Variants in ALG13 observed in about 807,000 individuals in gnomAD.
The protein encoded by ALG13 is UDP-N-acetylglucosamine transferase subunit ALG13.
ALG13 carries 11 observed loss-of-function variants against 87.8 expected under a neutral mutation model. That is an observed-to-expected ratio of 0.13 (90% CI 0.08 to 0.21). The LOEUF (loss-of-function observed/expected upper bound fraction) is 0.21, where lower values mean the gene tolerates loss of function less well. Ranked by LOEUF, ALG13 falls within the 10% of genes least tolerant of loss-of-function variation. The pLI is 1.00. For missense variants in ALG13, 756 were observed against 866.1 expected (o/e 0.87, Z 1.60); for synonymous variants, 320 against 306.3 (o/e 1.04, Z -0.47).
intron 7 of ALG13, among the ~76,000 whole-genome samples, chrX:111,712,758 G>T (rs1939995863): frequency 8.9e-6 from 1 of 112,110 alleles, no homozygotes; most frequent in Non-Finnish European, 1.9e-5. Flanking sequence ...TGTCTGTAAA[G>T]CTTTGTTGGA....
intron 23 of ALG13, among the ~76,000 whole-genome samples, chrX:111,740,459 G>A (rs1397762867): frequency 2.7e-5 from 3 of 110,727 alleles, no homozygotes; most frequent in Non-Finnish European, 5.7e-5. Flanking sequence ...ATGTTTCCTC[G>A]CTGTGTCCAC....
chrX:111,709,620 A>C (rs1288447282), intron 5 of ALG13, among the ~76,000 whole-genome samples: 1 of 111,750 alleles, frequency 8.9e-6, no homozygotes, highest in Non-Finnish European at 1.9e-5. Context: ...AACAACTTAC[A>C]GAAGACATAT....
intron 21 of ALG13, among the ~76,000 whole-genome samples, chrX:111,731,845 A>G (rs1031403682): frequency 1.8e-5 from 2 of 111,936 alleles, no homozygotes; most frequent in Non-Finnish European, 3.8e-5. Context: ...TCAGGCACTG[A>G]TGGAAGAGCC....
Position 111,736,959 on chromosome X carries a change from C to T in ALG13, c.2695+80C>T, listed in dbSNP as rs976608674. On this transcript the variant is annotated intron_variant, in intron 23 of 26. Transcript: ENST00000394780. ...GCACATCCAGCTGTTCTGGTAATTA[C>T]ATACCATTACTTTAATTTCCAGAAT... 20 of 782,415 alleles carry T rather than the reference C, an allele frequency of 2.6e-5. No homozygotes were observed. In the African/African-American group the frequency reaches 3.2e-4, roughly 13 times the overall value. 64.5% of individuals were successfully genotyped at this position (782,415 alleles called of 1,213,427 possible).
chrX:111,689,474 C>T (rs1935742513), intron 3 of ALG13: 1 of 752,352 alleles, frequency 1.3e-6, no homozygotes, highest in Non-Finnish European at 1.6e-6. Context: ...CCTTTGCTAT[C>T]TACTTCCCCA....
At chrX:111,756,915 A>T (rs1945307035) in intron 25 of ALG13, among the ~76,000 whole-genome samples, 1 of 112,030 alleles carries the variant, frequency 8.9e-6, no homozygotes, top group African/African-American at 3.2e-5. Flanking sequence ...TATTATAGTC[A>T]CATGTGGAAA....
At chrX:111,704,214 T>A (rs1221392614) in intron 3 of ALG13, among the ~76,000 whole-genome samples, 1 of 111,487 alleles carries the variant, frequency 9.0e-6, no homozygotes, top group Non-Finnish European at 1.9e-5. Context: ...ATAACAAGTG[T>A]TGATAAGAAT....
intron 25 of ALG13, 165 bp from the exon 26 acceptor site, chrX:111,757,423 G>T (rs1018082589): frequency 1.1e-5 from 4 of 377,773 alleles, no homozygotes; most frequent in Non-Finnish European, 1.8e-5. Context: ...TTCTAATAGA[G>T]AACAGACTGT....
At chrX:111,748,039 T>C (rs1569522468) in intron 24 of ALG13, among the ~76,000 whole-genome samples, 1 of 112,239 alleles carries the variant, frequency 8.9e-6, no homozygotes, top group Non-Finnish European at 1.9e-5. Flanking sequence ...TGCATTTCCC[T>C]TATGAAATCC....
At chrX:111,749,192 G>A (rs1279051579) in intron 24 of ALG13, among the ~76,000 whole-genome samples, 2 of 111,702 alleles carry the variant, frequency 1.8e-5, no homozygotes, top group East Asian at 5.6e-4. Context: ...AATTCATTTA[G>A]TTTTATGTTT....
At position 111,724,969 on chromosome X, in the gene ALG13, C is replaced by A; in HGVS notation, c.1637C>A (p.Thr546Asn). The A allele has an allele frequency of 8.3e-7, 1 of 1,210,390 alleles. No homozygotes were observed. The highest frequency in any genetic ancestry group is 1.8e-5 in the South Asian group (1 of 56,887). ...VVPLANLKPV[T>N]QVMSVPAWNA... ...CCACTGGCTAACTTAAAACCAGTTA[C>A]CCAAGTGATGTCTGTTCCTGCCTGG... The change falls in exon 15 of 27, where the codon ACC becomes AAC. Residue 546 changes from threonine to asparagine, a missense_variant. Around this residue, in one of 9 missense-constraint regions of ALG13, gnomAD observed 362 missense variants for 383.5 expected, o/e 0.94. Coordinates refer to ENST00000394780, the MANE Select transcript of ALG13 (RefSeq NM_001099922.3).
chrX:111,749,109 C>T (rs1364306745), intron 24 of ALG13, among the ~76,000 whole-genome samples: 4 of 111,251 alleles, frequency 3.6e-5, no homozygotes, highest in South Asian at 7.6e-4. Flanking sequence ...AAAAAAACAA[C>T]AAAAAACCTT....
At chrX:111,690,428 C>T (rs1431273174) in intron 3 of ALG13, 2 of 740,091 alleles carry the variant, frequency 2.7e-6, no homozygotes, top group Admixed American at 8.9e-5. Flanking sequence ...TTGGGATGAC[C>T]TTGGGAATTA....
At position 111,693,429 on chromosome X, in the gene ALG13, A is replaced by G. The variant is rs144103983; in HGVS notation, c.383+8326A>G. Among the ~76,000 whole-genome samples, 222 of 108,975 alleles carry G rather than the reference A, an allele frequency of 2.0e-3. 6 individuals carry two copies. In the East Asian group the frequency reaches 0.062, roughly 30 times the overall value. The allele number at this position is 108,975 out of a possible 115,157, so 94.6% of individuals were successfully genotyped here. The stretch of plus-strand genomic sequence containing the variant: ...TCTGGCTAATTTTTGTATTTTTAGT[A>G]GAGACGGGGTTTTGCCATGTTGGCC... On this transcript the variant is annotated intron_variant, in intron 3 of 26. Transcript: ENST00000394780.
chrX:111,730,497 C>A (rs1303411922), intron 20 of ALG13, 28 bp from the exon 21 acceptor site: 1 of 1,194,652 alleles, frequency 8.4e-7, no homozygotes. Flanking sequence ...AAATAATGCT[C>A]ATTTTTTACT....
At chrX:111,710,633 A>C (rs1939585032) in intron 5 of ALG13, among the ~76,000 whole-genome samples, 1 of 112,136 alleles carries the variant, frequency 8.9e-6, no homozygotes, top group Non-Finnish European at 1.9e-5. Context: ...AATTGTGATG[A>C]TGATTTCATG....
chrX:111,741,231 T>C (rs999031929), intron 23 of ALG13, among the ~76,000 whole-genome samples: 3 of 111,973 alleles, frequency 2.7e-5, no homozygotes, highest in Admixed American at 9.5e-5. Context: ...GCCCAGGTTC[T>C]TTAAAGCAGA....
At position 111,727,606 on chromosome X, in the gene ALG13, C is replaced by G. The variant is rs939425312; in HGVS notation, c.2091-8C>G. The G allele has an allele frequency of 8.4e-6, 10 of 1,188,297 alleles. No homozygotes were observed. The highest frequency in any genetic ancestry group is 1.1e-5 in the Non-Finnish European group (10 of 884,502). The stretch of plus-strand genomic sequence containing the variant: ...ATTTTTACTTTTTTATTATTTGAAC[C>G]ACTTAAGTTCATTTAGACGTAGTCA... On this transcript the variant is annotated splice_region_variant and splice_polypyrimidine_tract_variant and intron_variant, in intron 17 of 26. Coordinates refer to ENST00000394780, the MANE Select transcript of ALG13 (RefSeq NM_001099922.3).
chrX:111,759,763 G>A lies in ALG13; in HGVS notation c.3178G>A (p.Val1060Ile). The A allele has an allele frequency of 8.3e-7, 1 of 1,207,404 alleles. No individual in the cohort carries two copies. The highest frequency in any genetic ancestry group is 1.1e-6 in the Non-Finnish European group (1 of 892,982). The change falls in exon 27 of 27, where the codon GTC (valine) becomes ATC (isoleucine). Residue 1060 changes from valine to isoleucine, a missense_variant. Physicochemically the swap from Val to Ile is conservative, Grantham distance 29 (BLOSUM62 3). Transcript: ENST00000394780. ...DTFPNADSSS[V>I]PHGAVYYPVM... Reference sequence around the variant, plus strand: ...TTTTCCGAATGCTGATTCTTCATCTGTCCCTCATGGAGCAGTCTATTATCC... The same window carrying A: ...TTTTCCGAATGCTGATTCTTCATCTATCCCTCATGGAGCAGTCTATTATCC...
Sources: allele counts gnomAD v4.1 joint callset (sites outside exome capture counted in the v4.1 genomes callset), GRCh38; gene constraint gnomAD v4.1.1; regional missense constraint gnomAD v4.1.1; transcripts MANE v1.5; gene names NCBI Gene and HGNC (gene_info 2026-07-23, HGNC 2026-07-21).